Variants in EXOG observed in about 807,000 individuals in gnomAD.
EXOG encodes nuclease EXOG, mitochondrial.
A neutral mutation model predicts 25.8 loss-of-function variants in EXOG; 27 were observed. The ratio of observed to expected loss-of-function variants is 1.05; its 90% CI spans 0.77 to 1.45. The LOEUF (loss-of-function observed/expected upper bound fraction) is 1.45. EXOG is among the 40% of genes most tolerant of loss of function. The pLI is 0.00. For synonymous variants in EXOG, 133 were observed against 167.0 expected, an observed-to-expected ratio of 0.80 and a Z score of 1.57; for missense variants, 458 against 450.5, an observed-to-expected ratio of 1.02 and a Z score of -0.15.
At chr3:38,503,562 C>A (rs2060110507) in intron 3 of EXOG, 53 bp from the exon 4 acceptor site, 1 of 997,954 alleles carries the variant, frequency 1.0e-6, no homozygotes, top group Non-Finnish European at 1.6e-6. Context: ...AATAAAATAT[C>A]TTTTAAAGGG....
At chr3:38,516,145 T>C (rs547537512) in intron 5 of EXOG, among the ~76,000 whole-genome samples, 17 of 152,276 alleles carry the variant, frequency 1.1e-4, no homozygotes, top group African/African-American at 3.4e-4. Flanking sequence ...TCAGCACTTT[T>C]ATACCTTTTT....
At chr3:38,497,314 T>C (rs1001301252) in intron 1 of EXOG, 40 of 1,085,852 alleles carry the variant, frequency 3.7e-5, no homozygotes, top group Non-Finnish European at 4.5e-5. Context: ...AGCACACATA[T>C]CAGTGCTTCA....
chr3:38,518,819 C>T (rs2060623788), intron 5 of EXOG, among the ~76,000 whole-genome samples: 1 of 152,138 alleles, frequency 6.6e-6, no homozygotes, highest in African/African-American at 2.4e-5. Context: ...TGACCATTTT[C>T]TTTTATAGAC....
At chr3:38,522,876 C>A (rs2060763795) in intron 5 of EXOG, among the ~76,000 whole-genome samples, 1 of 152,208 alleles carries the variant, frequency 6.6e-6, no homozygotes, top group Non-Finnish European at 1.5e-5. Context: ...CCAAACCACA[C>A]AACTAATTTA....
At chr3:38,514,304 G>A (rs985252223) in intron 5 of EXOG, among the ~76,000 whole-genome samples, 7 of 152,200 alleles carry the variant, frequency 4.6e-5, no homozygotes, top group African/African-American at 1.7e-4. Flanking sequence ...GTCTACATGA[G>A]AAATAATAAC....
intron 2 of EXOG, chr3:38,498,982 C>T (rs2059971836): frequency 2.2e-6 from 1 of 456,616 alleles, no homozygotes; most frequent in Non-Finnish European, 4.4e-6. Flanking sequence ...TCTCAACCTT[C>T]ACCTATGGTG....
At chr3:38,504,777 G>T (rs923579930) in intron 4 of EXOG, among the ~76,000 whole-genome samples, 2 of 152,070 alleles carry the variant, frequency 1.3e-5, no homozygotes, top group Non-Finnish European at 2.9e-5. Flanking sequence ...AAAATAATCT[G>T]GGCCTTCTAC....
chr3:38,507,775 A>G (rs1391909265), intron 5 of EXOG, among the ~76,000 whole-genome samples: 1 of 152,212 alleles, frequency 6.6e-6, no homozygotes, highest in Non-Finnish European at 1.5e-5. Context: ...AGAGGAACAC[A>G]GGAAAGAGTA....
intron 5 of EXOG, among the ~76,000 whole-genome samples, chr3:38,515,090 CT>C (rs1403498645): frequency 6.6e-6 from 1 of 151,764 alleles, no homozygotes. Context: ...TTATAGATAA[CT>C]TTTTTTTGCT....
In EXOG at chr3:38,525,576, T is replaced by G. The variant is rs6803743; in HGVS notation, c.*1214T>G. 6.0e-3 allele frequency: 5,946 copies of G among 985,300 alleles called. 272 individuals carry two copies. In the African/African-American group the frequency reaches 0.091, roughly 15 times the overall value. 61.0% of individuals were successfully genotyped at this position (985,300 alleles called of 1,614,324 possible). On this transcript the variant is annotated 3_prime_UTR_variant, in exon 6 of 6. Transcript: ENST00000287675. ...GCCTCCAGAGATACAGTTCTTTTAG[T>G]GACCAGATACTGCCAAATTGATGTG... is the stretch of plus-strand genomic sequence containing the variant.
chr3:38,508,157 A>C (rs2060259959), intron 5 of EXOG, among the ~76,000 whole-genome samples: 1 of 152,198 alleles, frequency 6.6e-6, no homozygotes, highest in Non-Finnish European at 1.5e-5. Flanking sequence ...AAAATAAAAT[A>C]AAAACAACCA....
intron 3 of EXOG, among the ~76,000 whole-genome samples, chr3:38,503,213 C>T (rs1027228326): frequency 4.6e-5 from 7 of 152,162 alleles, no homozygotes; most frequent in South Asian, 2.1e-4. Context: ...AGAACAAGGA[C>T]GTTTTCTCTG....
chr3:38,511,175 TCTCA>T (rs2060358386), intron 5 of EXOG, among the ~76,000 whole-genome samples: 1 of 152,222 alleles, frequency 6.6e-6, no homozygotes. Flanking sequence ...GGCAGTCATC[TCTCA>T]CTCTTAATTA....
chr3:38,499,968 C>T (rs376605505), intron 2 of EXOG: 40 of 288,360 alleles, frequency 1.4e-4, no homozygotes, highest in South Asian at 8.8e-4. Context: ...AAGACTCACC[C>T]AAGGTAGATT....
At position 38,525,983 on chromosome 3, in the gene EXOG, A is replaced by G. The variant is rs889781712; in HGVS notation, c.*1621A>G. ...AAAAAGAAAAAGGTCTGCCCACAAA[A>G]TCACTAGCTTATTATTTGCTTCCTG... On this transcript the variant is annotated 3_prime_UTR_variant, in exon 6 of 6. Coordinates refer to ENST00000287675, the MANE Select transcript of EXOG (RefSeq NM_005107.4). 4.7e-5 allele frequency: 46 copies of G among 985,192 alleles called. No homozygotes were observed. The highest frequency in any genetic ancestry group is 5.3e-5 in the Non-Finnish European group (44 of 829,912). The allele number at this position is 985,192 out of a possible 1,614,324, so 61.0% of individuals were successfully genotyped here. A position where few individuals can be genotyped will look rare whatever the true frequency, so the allele number is the denominator to read the frequency against.
At chr3:38,496,673 C>A (rs2059898904) in intron 1 of EXOG, 143 bp downstream of exon 1, 8 of 1,447,410 alleles carry the variant, frequency 5.5e-6, no homozygotes, top group Admixed American at 2.6e-5. Flanking sequence ...GACCTTTATT[C>A]TCCCGGCTCG....
At chr3:38,500,204 A>G (rs2060005697) in intron 2 of EXOG, 1 of 155,760 alleles carries the variant, frequency 6.4e-6, no homozygotes, top group Admixed American at 6.2e-5. Flanking sequence ...CTTACAGCCC[A>G]AATCTGTGCA....
At chr3:38,520,153 G>A (rs1441972645) in intron 5 of EXOG, among the ~76,000 whole-genome samples, 1 of 152,088 alleles carries the variant, frequency 6.6e-6, no homozygotes, top group African/African-American at 2.4e-5. Flanking sequence ...CAAATGGCAG[G>A]CTTAATATGG....
In EXOG at chr3:38,524,908, C is replaced by G; in HGVS notation, c.*546C>G. The G allele has an allele frequency of 5.1e-6, 5 of 985,638 alleles. No homozygotes were observed. Among genetic ancestry groups the G allele is most frequent in the Non-Finnish European group, 2.4e-6 (2 of 830,152 alleles). The allele number at this position is 985,638 out of a possible 1,614,324, so 61.1% of individuals were successfully genotyped here. ...ATGCATTGTCTGTGATGTATCTGCC[C>G]AGCCTTCTCAGAACTCAATGTTGTA... On this transcript the variant is annotated 3_prime_UTR_variant, in exon 6 of 6. Transcript: ENST00000287675.
Sources: allele counts gnomAD v4.1 joint callset (sites outside exome capture counted in the v4.1 genomes callset), GRCh38; gene constraint gnomAD v4.1.1; transcripts MANE v1.5; gene names NCBI Gene and HGNC (gene_info 2026-07-23, HGNC 2026-07-21).